Variants in BABAM2 observed in about 807,000 individuals in gnomAD.
The protein encoded by BABAM2 is BRISC and BRCA1-A complex member 2.
BABAM2 carries 31 observed loss-of-function variants against 54.7 expected under a neutral mutation model. That is an observed-to-expected ratio of 0.57 (90% CI 0.43 to 0.77). The LOEUF is 0.77. BABAM2 is among the 30% of genes least tolerant of loss of function. The probability of loss-of-function intolerance (pLI) is 0.00; values close to 1 mark genes in which losing one functional copy is unlikely to be tolerated. For missense variants in BABAM2, 364 were observed against 455.8 expected (o/e 0.80, Z 1.83); for synonymous variants, 167 against 162.9 (o/e 1.03, Z -0.19).
At chr2:28,175,725 C>G (rs1003929731) in intron 7 of BABAM2, among the ~76,000 whole-genome samples, 4 of 152,212 alleles carry the variant, frequency 2.6e-5, no homozygotes, top group Admixed American at 6.5e-5. Context: ...GTCCACACTC[C>G]AGCCTACCAC....
At chr2:28,079,663 A>G (rs1428724730) in intron 6 of BABAM2, among the ~76,000 whole-genome samples, 5 of 152,094 alleles carry the variant, frequency 3.3e-5, no homozygotes, top group Non-Finnish European at 5.9e-5. Flanking sequence ...ACTTATTTTC[A>G]TGGGAAATCC....
rs550061957 is a variant in BABAM2, at chr2:28,289,588, A to G, written c.935-8750A>G. On this transcript the variant is annotated intron_variant, in intron 10 of 11. Transcript: ENST00000379624. ...CAGATCACCTGAGGTCAGAAGTTCA[A>G]GACCAGCCTGGCCAACATGGTGAAA... Among the ~76,000 whole-genome samples, 239 of 152,350 alleles carry G rather than the reference A, an allele frequency of 1.6e-3. 1 individual carries two copies. The highest frequency in any genetic ancestry group is 5.5e-3 in the African/African-American group (230 of 41,580).
chr2:28,045,181 A>G (rs1677463316), intron 5 of BABAM2, among the ~76,000 whole-genome samples: 1 of 152,184 alleles, frequency 6.6e-6, no homozygotes, highest in South Asian at 2.1e-4. Flanking sequence ...GGGAGTTATG[A>G]AAAACATCAG....
intron 7 of BABAM2, among the ~76,000 whole-genome samples, chr2:28,221,761 C>T (rs1480163098): frequency 6.6e-6 from 1 of 152,180 alleles, no homozygotes; most frequent in African/African-American, 2.4e-5. Context: ...TGTTTGTCTT[C>T]AGTCCTTCGC....
chr2:28,282,552 G>T (rs1364773520), intron 10 of BABAM2, among the ~76,000 whole-genome samples: 3 of 152,140 alleles, frequency 2.0e-5, no homozygotes, highest in African/African-American at 7.2e-5. Flanking sequence ...TCGAATCCTG[G>T]CCCCATCTCC....
At chr2:28,011,384 G>A (rs1051613626) in intron 4 of BABAM2, among the ~76,000 whole-genome samples, 2 of 152,100 alleles carry the variant, frequency 1.3e-5, no homozygotes, top group Admixed American at 1.3e-4. Flanking sequence ...GCATGTGGCT[G>A]TTATAACCCG....
chr2:28,245,972 C>T (rs1034276637), intron 10 of BABAM2, among the ~76,000 whole-genome samples: 5 of 152,150 alleles, frequency 3.3e-5, no homozygotes, highest in African/African-American at 1.2e-4. Flanking sequence ...AAAAAAACAT[C>T]CATAGTGGCA....
chr2:28,273,271 T>G (rs560657249), intron 10 of BABAM2, among the ~76,000 whole-genome samples: 1 of 152,344 alleles, frequency 6.6e-6, no homozygotes, highest in Admixed American at 6.5e-5. Context: ...GTGCAGTGGT[T>G]CATGCCCTGA....
intron 3 of BABAM2, among the ~76,000 whole-genome samples, chr2:27,935,740 A>G (rs1336274921): frequency 6.6e-6 from 1 of 152,154 alleles, no homozygotes; most frequent in African/African-American, 2.4e-5. Context: ...TTGTTGTCTT[A>G]TTTTAAGAAA....
At chr2:28,256,058 G>A (rs1381251049) in intron 10 of BABAM2, among the ~76,000 whole-genome samples, 8 of 152,062 alleles carry the variant, frequency 5.3e-5, no homozygotes, top group African/African-American at 7.2e-5. Flanking sequence ...TGTATTTTGC[G>A]TAAAATAAAA....
At chr2:28,136,893 T>C (rs79376429) in intron 7 of BABAM2, among the ~76,000 whole-genome samples, 2,032 of 152,266 alleles carry the variant, frequency 0.013, 45 homozygotes, top group African/African-American at 0.047. Context: ...CTTAAAATTA[T>C]GAATGAGTAA....
At chr2:28,313,881 C>T (rs1406159389) in intron 11 of BABAM2, among the ~76,000 whole-genome samples, 2 of 152,280 alleles carry the variant, frequency 1.3e-5, no homozygotes, top group Non-Finnish European at 2.9e-5. Context: ...GTGAGGCTGT[C>T]CACGGCATTA....
Position 27,983,942 on chromosome 2 carries a change from C to CTTTTTTTTTTTTTTTTTTTTTTTT in BABAM2, c.206-4032_206-4031insTTTTTTTTTTTTTTTTTTTTTTTT. On this transcript the variant is annotated intron_variant, in intron 3 of 11. Transcript: ENST00000379624. ...TTTCCAATGTAGATACATTTTGTACCTTTTTTTTTTTTTTTTTTTGCCAAA... is the reference window on the plus strand; with the variant it reads ...TTTCCAATGTAGATACATTTTGTACCTTTTTTTTTTTTTTTTTTTTTTTTTTTTTTTTTTTTTTTTTTTGCCAAA... 8.0e-4 allele frequency among the ~76,000 whole-genome samples: 25 copies of CTTTTTTTTTTTTTTTTTTTTTTTT among 31,132 alleles called. 2 individuals carry two copies. Among genetic ancestry groups the CTTTTTTTTTTTTTTTTTTTTTTTT allele is most frequent in the South Asian group, 1.6e-3 (1 of 638 alleles). The allele number at this position is 31,132 out of a possible 152,430, so 20.4% of individuals were successfully genotyped here.
chr2:28,052,354 C>A (rs1678065907), intron 6 of BABAM2, among the ~76,000 whole-genome samples: 1 of 149,120 alleles, frequency 6.7e-6, no homozygotes, highest in African/African-American at 2.5e-5. Flanking sequence ...GTGGCACGAT[C>A]TTGGCTCACT....
chr2:28,258,505 T>G (rs1573946945), intron 10 of BABAM2, among the ~76,000 whole-genome samples: 1 of 152,304 alleles, frequency 6.6e-6, no homozygotes, highest in African/African-American at 2.4e-5. Flanking sequence ...TGGCTTCAAT[T>G]TGCAATTCCC....
At chr2:28,002,331 T>TG (rs931058345) in intron 4 of BABAM2, among the ~76,000 whole-genome samples, 13 of 152,170 alleles carry the variant, frequency 8.5e-5, no homozygotes, top group Admixed American at 8.5e-4. Context: ...TATAGGTCAT[T>TG]GTATCTGTGA....
At chr2:28,032,552 C>T (rs985844066) in intron 5 of BABAM2, among the ~76,000 whole-genome samples, 1 of 152,042 alleles carries the variant, frequency 6.6e-6, no homozygotes, top group African/African-American at 2.4e-5. Context: ...TGTATTTTTA[C>T]CAAATTGTTT....
chr2:28,275,411 G>A (rs1026425239), intron 10 of BABAM2, among the ~76,000 whole-genome samples: 5 of 152,190 alleles, frequency 3.3e-5, no homozygotes, highest in Non-Finnish European at 5.9e-5. Context: ...CCTCATGCAG[G>A]TCACCTGCTC....
At chr2:28,209,511 A>G (rs1469389565) in intron 7 of BABAM2, among the ~76,000 whole-genome samples, 6 of 152,232 alleles carry the variant, frequency 3.9e-5, no homozygotes. Context: ...ATATTTCTGG[A>G]CACTGAATTA....
Sources: allele counts gnomAD v4.1 joint callset (sites outside exome capture counted in the v4.1 genomes callset), GRCh38; gene constraint gnomAD v4.1.1; transcripts MANE v1.5; gene names NCBI Gene and HGNC (gene_info 2026-07-23, HGNC 2026-07-21).